MCC: variants seen among roughly 807,000 people sequenced by gnomAD.
The protein encoded by MCC is colorectal mutant cancer protein.
A neutral mutation model predicts 116.2 loss-of-function variants in MCC; 90 were observed. That is an observed-to-expected ratio of 0.77 (90% CI 0.65 to 0.92). MCC has a LOEUF of 0.92. Among genes scored for constraint, MCC ranks in the 40% least tolerant of loss-of-function variants. The probability of loss-of-function intolerance (pLI) is 0.00; values close to 1 mark genes in which losing one functional copy is unlikely to be tolerated. For missense variants in MCC, 1,516 were observed against 1,312.2 expected, an observed-to-expected ratio of 1.16 and a Z score of -2.40; for synonymous variants, 578 against 510.5, an observed-to-expected ratio of 1.13 and a Z score of -1.78.
At chr5:113,428,632 T>G (rs751432851) in intron 1 of MCC, 1 of 152,248 alleles carries the variant, frequency 6.6e-6, no homozygotes, top group Non-Finnish European at 1.5e-5. Context: ...TCCATGTGCC[T>G]AATCCTGCTT....
At chr5:113,029,134 CAGAA>C in intron 17 of MCC, 78 bp from the exon 18 acceptor site, 2 of 1,441,884 alleles carry the variant, frequency 1.4e-6, no homozygotes, top group Admixed American at 2.1e-5. Flanking sequence ...GAAGTGGTGA[CAGAA>C]AGAGGAAGGT....
intron 3 of MCC, among the ~76,000 whole-genome samples, chr5:113,230,729 G>A (rs77353330): frequency 0.014 from 2,191 of 152,252 alleles, 54 homozygotes; most frequent in African/African-American, 0.05. Context: ...GGTGCAATGA[G>A]GAAAGAATCC....
rs539640319 is a variant in MCC, at chr5:113,341,373, C to T, written c.416-643G>A. 5.9e-5 allele frequency among the ~76,000 whole-genome samples: 9 copies of T among 152,032 alleles called. No individual in the cohort carries two copies. In the East Asian group the frequency reaches 1.5e-3, roughly 26 times the overall value. ...TAAAAAAAATTTTTTTTGTAGACCT[C>T]ATTTCTATACTATGTTGCCCAGGCT... On this transcript the variant is annotated intron_variant, in intron 2 of 18. Coordinates refer to ENST00000408903, the MANE Select transcript of MCC (RefSeq NM_001085377.2).
Position 113,116,551 on chromosome 5 carries a change from T to C in MCC, c.1027+6133A>G, listed in dbSNP as rs79442508. ...AAGAGAAGTTCATGAATCCCAAGAA[T>C]TGTGGGAGCTCATTTTGAGTAAATG... is the stretch of plus-strand genomic sequence containing the variant. On this transcript the variant is annotated intron_variant, in intron 6 of 18. Coordinates refer to ENST00000408903, the MANE Select transcript of MCC (RefSeq NM_001085377.2). Among the ~76,000 whole-genome samples the C allele has an allele frequency of 9.4e-3, 1,429 of 152,320 alleles. 23 individuals carry two copies. The highest frequency in any genetic ancestry group is 0.033 in the African/African-American group (1,370 of 41,554).
At position 113,269,309 on chromosome 5, in the gene MCC, A is replaced by G. The variant is rs1043580100; in HGVS notation, c.627+71210T>C. 11 of 495,618 alleles carry G rather than the reference A, an allele frequency of 2.2e-5. No individual in the cohort carries two copies. The African/African-American group carries it at 3.6e-4, about 16-fold the overall frequency. 30.7% of individuals were successfully genotyped at this position (495,618 alleles called of 1,614,324 possible). Reference sequence around the variant, plus strand: ...GAGGCCAATGAACTCTTTTTCAATGATACCTTTTTCAATGATACCTTAACT... The same window carrying G: ...GAGGCCAATGAACTCTTTTTCAATGGTACCTTTTTCAATGATACCTTAACT... On this transcript the variant is annotated intron_variant, in intron 3 of 18. Transcript: ENST00000408903.
At chr5:113,332,678 A>C (rs184924839) in intron 3 of MCC, among the ~76,000 whole-genome samples, 38 of 151,682 alleles carry the variant, frequency 2.5e-4, no homozygotes, top group Non-Finnish European at 4.3e-4. Flanking sequence ...CCGTTTTACT[A>C]GGGCCAATAA....
rs1750239375 is a variant in MCC, at chr5:113,022,801, C to T, written c.*4501G>A. The T allele has an allele frequency of 6.6e-6, 1 of 152,204 alleles. No individual in the cohort carries two copies. The highest frequency in any genetic ancestry group is 1.5e-5 in the Non-Finnish European group (1 of 68,040). 9.4% of individuals were successfully genotyped at this position (152,204 alleles called of 1,614,324 possible). A position where few individuals can be genotyped will look rare whatever the true frequency, so the allele number is the denominator to read the frequency against. ...TTTCACCTGATTAGCAGATGGATGA[C>T]TGTGGAAAGATGAAGTACTAGTCAA... On this transcript the variant is annotated 3_prime_UTR_variant, in exon 19 of 19. Transcript: ENST00000408903.
chr5:113,150,053 C>T (rs192394319), intron 4 of MCC, among the ~76,000 whole-genome samples: 37 of 152,276 alleles, frequency 2.4e-4, no homozygotes, highest in African/African-American at 8.4e-4. Flanking sequence ...TCCCTGTGAA[C>T]TTTGGAGACT....
intron 3 of MCC, among the ~76,000 whole-genome samples, chr5:113,161,359 C>A (rs1760472405): frequency 6.6e-6 from 1 of 152,158 alleles, no homozygotes; most frequent in South Asian, 2.1e-4. Context: ...ACAGAGAATT[C>A]TATGAACATG....
At chr5:113,045,799 C>CAA (rs70973664) in intron 16 of MCC, among the ~76,000 whole-genome samples, 54,615 of 130,732 alleles carry the variant, frequency 0.42, 11,965 homozygotes, top group East Asian at 0.61. Flanking sequence ...AACTCCATCT[C>CAA]AAAAAAAAAA....
At chr5:113,171,828 C>A (rs1761086875) in intron 3 of MCC, among the ~76,000 whole-genome samples, 1 of 152,144 alleles carries the variant, frequency 6.6e-6, no homozygotes, top group African/African-American at 2.4e-5. Context: ...ATCTGCTTGT[C>A]ACCAGCAAGT....
chr5:113,049,274 T>A lies in MCC; in HGVS notation c.2474A>T (p.Gln825Leu), dbSNP rs374618224. Residue 825 changes from glutamine to leucine, a missense_variant, in exon 16 of 19, where the codon CAG becomes CTG. Transcript: ENST00000408903. ...MKEEMAELKAQLYLLEKEKKA... is the reference protein window; with the variant it reads ...MKEEMAELKALLYLLEKEKKA... ...CTTCTCTTTCTCCAGTAGGTAGAGC[T>A]GGGCCTTCAACTCGGCCATCTCCTC... The A allele has an allele frequency of 5.0e-6, 8 of 1,607,154 alleles. No individual in the cohort carries two copies. The highest frequency in any genetic ancestry group is 6.8e-6 in the Non-Finnish European group (8 of 1,176,600).
intron 3 of MCC, among the ~76,000 whole-genome samples, chr5:113,175,404 G>T (rs569157819): frequency 5.3e-5 from 8 of 152,234 alleles, no homozygotes; most frequent in Middle Eastern, 3.4e-3. Context: ...CAGACCAAAT[G>T]GTTTTGAAAG....
At chr5:113,100,124 G>T (rs547280372) in intron 8 of MCC, among the ~76,000 whole-genome samples, 1 of 152,302 alleles carries the variant, frequency 6.6e-6, no homozygotes, top group East Asian at 1.9e-4. Flanking sequence ...GCTTATGCAC[G>T]TGAGTTAAGA....
chr5:113,028,903 C>T (rs200934464), intron 18 of MCC, 31 bp downstream of exon 18: 51 of 1,604,900 alleles, frequency 3.2e-5, no homozygotes, highest in East Asian at 6.7e-5. Flanking sequence ...AGGTGGAGGG[C>T]GGTGGGGGCT....
intron 3 of MCC, among the ~76,000 whole-genome samples, chr5:113,171,424 G>A (rs141992298): frequency 5.6e-4 from 85 of 151,770 alleles, no homozygotes; most frequent in African/African-American, 1.8e-3. Flanking sequence ...GCCACGACTC[G>A]GCTAACTGCG....
At position 113,206,642 on chromosome 5, in the gene MCC, G is replaced by A. The variant is rs552762526; in HGVS notation, c.628-55220C>T. 2.0e-5 allele frequency among the ~76,000 whole-genome samples: 3 copies of A among 152,320 alleles called. No homozygotes were observed. In the South Asian group the frequency reaches 6.2e-4, roughly 32 times the overall value. On this transcript the variant is annotated intron_variant, in intron 3 of 18. Transcript: ENST00000408903. ...AAGAATCCCTTGAACCTGGGAGGCA[G>A]AGATTGCAGTGAGCTAAGATTGCAC...
At chr5:113,274,418 G>A (rs1353964570) in intron 3 of MCC, among the ~76,000 whole-genome samples, 1 of 152,210 alleles carries the variant, frequency 6.6e-6, no homozygotes, top group Non-Finnish European at 1.5e-5. Flanking sequence ...GGAGTGCAGA[G>A]GCACAATCTT....
intron 4 of MCC, among the ~76,000 whole-genome samples, chr5:113,145,750 A>C (rs1455161907): frequency 6.2e-5 from 1 of 16,096 alleles, no homozygotes; most frequent in Non-Finnish European, 1.4e-4. Context: ...ACACACACAC[A>C]CACACACACA....
Sources: allele counts gnomAD v4.1 joint callset (sites outside exome capture counted in the v4.1 genomes callset), GRCh38; gene constraint gnomAD v4.1.1; transcripts MANE v1.5; gene names NCBI Gene and HGNC (gene_info 2026-07-23, HGNC 2026-07-21).